COL26A1: variants seen among roughly 807,000 people sequenced by gnomAD.
COL26A1 encodes the protein collagen type XXVI alpha 1 chain.
Under a neutral mutation model 59.3 loss-of-function variants are expected in COL26A1, and 41 were observed. The observed-to-expected ratio is 0.69, with a 90% CI of 0.54 to 0.90. The LOEUF (loss-of-function observed/expected upper bound fraction) is 0.90. Among genes scored for constraint, COL26A1 ranks in the 40% least tolerant of loss-of-function variants. The probability of loss-of-function intolerance (pLI) is 0.00; values close to 1 mark genes in which losing one functional copy is unlikely to be tolerated. For missense variants in COL26A1, 612 were observed against 602.3 expected (o/e 1.02, Z -0.17); for synonymous variants, 266 against 256.0 (o/e 1.04, Z -0.37).
chr7:101,524,714 T>G (rs1795205509), intron 3 of COL26A1, among the ~76,000 whole-genome samples: 1 of 152,234 alleles, frequency 6.6e-6, no homozygotes, highest in Non-Finnish European at 1.5e-5. Context: ...ATCACTTAAT[T>G]TCTTTTTCTA....
At chr7:101,497,296 G>T (rs769535948) in intron 3 of COL26A1, among the ~76,000 whole-genome samples, 1 of 152,122 alleles carries the variant, frequency 6.6e-6, no homozygotes, top group Non-Finnish European at 1.5e-5. Flanking sequence ...GGAGCGGGAG[G>T]CTCCTCCTGT....
At chr7:101,445,540 G>C (rs1373043692) in intron 2 of COL26A1, among the ~76,000 whole-genome samples, 1 of 146,876 alleles carries the variant, frequency 6.8e-6, no homozygotes, top group African/African-American at 2.5e-5. Context: ...GACCATCCCG[G>C]CTAAAACGGT....
intron 3 of COL26A1, among the ~76,000 whole-genome samples, chr7:101,459,403 G>A (rs142455973): frequency 1.3e-5 from 2 of 151,860 alleles, no homozygotes; most frequent in East Asian, 1.9e-4. Context: ...GGGCTGAAGC[G>A]ATTCTCCTGC....
rs1563007525 is a variant in COL26A1, at chr7:101,489,695, TTCTG to T, written c.385+41912_385+41915del. ...TTCCTTCCTTCCTTTCTTTCTTTCT[TTCTG>T]TCTTTCTTTCTTTCATTCTTTCTTT... On this transcript the variant is annotated intron_variant, in intron 3 of 12. Transcript: ENST00000313669. Among the ~76,000 whole-genome samples the T allele has an allele frequency of 9.8e-4, 17 of 17,420 alleles. 3 individuals carry two copies. Among genetic ancestry groups the T allele is most frequent in the African/African-American group, 1.9e-3 (12 of 6,442 alleles). 11.4% of individuals were successfully genotyped at this position (17,420 alleles called of 152,430 possible). A position where few individuals can be genotyped will look rare whatever the true frequency, so the allele number is the denominator to read the frequency against.
chr7:101,407,915 G>T (rs538333488), intron 1 of COL26A1, among the ~76,000 whole-genome samples: 4 of 152,264 alleles, frequency 2.6e-5, no homozygotes, highest in Non-Finnish European at 4.4e-5. Flanking sequence ...CTGTTAATTT[G>T]CATACCATTA....
chr7:101,388,056 G>A (rs905533251), intron 1 of COL26A1, among the ~76,000 whole-genome samples: 4 of 151,200 alleles, frequency 2.6e-5, no homozygotes, highest in East Asian at 3.9e-4. Context: ...GAGCCACTGC[G>A]CCCTGCCAAA....
intron 1 of COL26A1, among the ~76,000 whole-genome samples, chr7:101,400,977 C>T (rs937165332): frequency 7.2e-5 from 11 of 152,196 alleles, no homozygotes; most frequent in African/African-American, 2.7e-4. Flanking sequence ...CCTGTGGTCT[C>T]TCTGCAGGCT....
chr7:101,439,340 A>AG (rs11439147), intron 2 of COL26A1, among the ~76,000 whole-genome samples: 152,015 of 152,030 alleles, frequency 1, 76,000 homozygotes, highest in Middle Eastern at 1. Flanking sequence ...AGAGAGAGAG[A>AG]CAAGAAAGAC....
chr7:101,419,863 C>G (rs952112792), intron 1 of COL26A1, 114 bp from the exon 2 acceptor site: 21 of 1,097,138 alleles, frequency 1.9e-5, no homozygotes, highest in Non-Finnish European at 2.6e-5. Context: ...TCCAAGAGAG[C>G]GAGCCTCCAC....
rs762269201 is a variant in COL26A1 at position 101,553,346 on chromosome 7, GGAA to G, written c.1055_1057del (p.Glu352del). The G allele has an allele frequency of 4.5e-5, 72 of 1,613,840 alleles. No individual in the cohort carries two copies. The highest frequency in any genetic ancestry group is 1.8e-4 in the East Asian group (8 of 44,870). On this transcript the variant is annotated inframe_deletion, in exon 11 of 13. Coordinates refer to ENST00000313669, the MANE Select transcript of COL26A1 (RefSeq NM_001278563.3). ...CTTAGGGTGAACCTGGCGTGAAGGG[GGAA>G]GAAGGAGAGAAAGCCGCCACTGCAG...
At chr7:101,379,753 T>G (rs1340603869) in intron 1 of COL26A1, among the ~76,000 whole-genome samples, 1 of 152,100 alleles carries the variant, frequency 6.6e-6, no homozygotes, top group Non-Finnish European at 1.5e-5. Context: ...AAAACCAAGA[T>G]GGAGATGAGA....
At chr7:101,449,986 T>C (rs1294024459) in intron 3 of COL26A1, among the ~76,000 whole-genome samples, 2 of 151,784 alleles carry the variant, frequency 1.3e-5, no homozygotes, top group African/African-American at 4.8e-5. Context: ...TAGCCGGGCA[T>C]AGTGGTGGGC....
At position 101,558,427 on chromosome 7, in the gene COL26A1, G is replaced by A. The variant is rs974041397; in HGVS notation, c.*897G>A. 21 of 152,262 alleles carry A rather than the reference G, an allele frequency of 1.4e-4. No individual in the cohort carries two copies. Among genetic ancestry groups the A allele is most frequent in the African/African-American group, 5.1e-4 (21 of 41,438 alleles). 9.4% of individuals were successfully genotyped at this position (152,262 alleles called of 1,614,324 possible). On this transcript the variant is annotated 3_prime_UTR_variant, in exon 13 of 13. Coordinates refer to ENST00000313669, the MANE Select transcript of COL26A1 (RefSeq NM_001278563.3). ...TGAGCCAGGGGAGGCAGCATTTCAT[G>A]GGCATGTCTATCAGAGGTGGGACTT...
chr7:101,430,483 G>GCTAATTTTGTATT (rs1302703864), intron 2 of COL26A1, among the ~76,000 whole-genome samples: 2 of 151,646 alleles, frequency 1.3e-5, no homozygotes. Flanking sequence ...TTAGAGACGG[G>GCTAATTTTGTATT]TTTCACCATG....
chr7:101,489,890 CTT>C (rs1243624099), intron 3 of COL26A1, among the ~76,000 whole-genome samples: 2 of 80,608 alleles, frequency 2.5e-5, no homozygotes, highest in African/African-American at 4.9e-5. Context: ...TTCTTTCTTT[CTT>C]TCTTTCTTTC....
chr7:101,462,621 C>T (rs1793643051), intron 3 of COL26A1, among the ~76,000 whole-genome samples: 1 of 152,114 alleles, frequency 6.6e-6, no homozygotes, highest in African/African-American at 2.4e-5. Flanking sequence ...CCGGCCTTAA[C>T]TTCATGTATT....
chr7:101,438,971 C>T (rs892252366), intron 2 of COL26A1, among the ~76,000 whole-genome samples: 1 of 152,198 alleles, frequency 6.6e-6, no homozygotes, highest in Non-Finnish European at 1.5e-5. Context: ...AGCCACAGCG[C>T]CCAGCCCCCT....
At chr7:101,447,920 C>A (rs1793240680) in intron 3 of COL26A1, 133 bp downstream of exon 3, 1 of 658,618 alleles carries the variant, frequency 1.5e-6, no homozygotes, top group African/African-American at 1.8e-5. Flanking sequence ...TCCCAATCGC[C>A]TCTGAAGCAA....
chr7:101,519,138 A>T lies in COL26A1; in HGVS notation c.386-13944A>T, dbSNP rs1241707334. The stretch of plus-strand genomic sequence containing the variant: ...GAAGAGGCGAGCTAAACTCATCTCC[A>T]GGTAATCTGTCTGGCAGGTGACACA... On this transcript the variant is annotated intron_variant, in intron 3 of 12. Coordinates refer to ENST00000313669, the MANE Select transcript of COL26A1 (RefSeq NM_001278563.3). Among the ~76,000 whole-genome samples the T allele has an allele frequency of 2.0e-5, 3 of 152,214 alleles. No homozygotes were observed. The East Asian group carries it at 5.8e-4, about 29-fold the overall frequency.
Sources: gnomAD v4.1 joint callset for allele counts (sites outside exome capture counted in the v4.1 genomes callset) on GRCh38, gnomAD v4.1.1 for gene constraint, MANE v1.5 for transcripts, NCBI Gene and HGNC (gene_info 2026-07-23, HGNC 2026-07-21) for gene names.